PCDHGB3: variants seen among roughly 807,000 people sequenced by gnomAD.
PCDHGB3 encodes the protein protocadherin gamma subfamily B, 3, also known as protocadherin gamma-B3.
PCDHGB3 carries 40 observed loss-of-function variants against 59.2 expected under a neutral mutation model. That is an observed-to-expected ratio of 0.68 (90% CI 0.52 to 0.88). The LOEUF is 0.88. Ranked by LOEUF, PCDHGB3 falls within the 40% of genes least tolerant of loss-of-function variation. The pLI, the probability that PCDHGB3 is intolerant of heterozygous loss-of-function variation, is 0.00. For synonymous variants in PCDHGB3, 581 were observed against 503.6 expected, an observed-to-expected ratio of 1.15 and a Z score of -2.06; for missense variants, 1,309 against 1,187.9, an observed-to-expected ratio of 1.10 and a Z score of -1.50.
intron 1 of PCDHGB3, among the ~76,000 whole-genome samples, chr5:141,471,928 G>A (rs1328213264): frequency 6.6e-6 from 1 of 152,152 alleles, no homozygotes; most frequent in African/African-American, 2.4e-5. Context: ...TTTTGGGGGT[G>A]ATGAGAGTTT....
chr5:141,402,563 T>C (rs2094279860), intron 1 of PCDHGB3, among the ~76,000 whole-genome samples: 1 of 152,232 alleles, frequency 6.6e-6, no homozygotes, highest in African/African-American at 2.4e-5. Flanking sequence ...TTCCACTTTA[T>C]TTACAACTCA....
chr5:141,408,728 C>A lies in PCDHGB3; in HGVS notation c.2415+35919C>A, dbSNP rs371316574. 3.7e-6 allele frequency: 6 copies of A among 1,610,174 alleles called. No individual in the cohort carries two copies. In the African/African-American group the frequency reaches 8.0e-5, roughly 22 times the overall value. ...TAAAGATTATAAGATAAACTCTAATCCTTATTTTTCATTAATGGTTAGAGT... is the reference window on the plus strand; with the variant it reads ...TAAAGATTATAAGATAAACTCTAATACTTATTTTTCATTAATGGTTAGAGT... On this transcript the variant is annotated intron_variant, in intron 1 of 3. Transcript: ENST00000576222.
In PCDHGB3 at chr5:141,372,143, G is replaced by T; in HGVS notation, c.1749G>T (p.Glu583Asp). The change falls in exon 1 of 4, where the codon GAG (glutamate) becomes GAT (aspartate). Residue 583 changes from glutamate (E) to aspartate (D), a missense_variant. Glu to Asp is a conservative substitution (Grantham distance 45, BLOSUM62 2). Transcript: ENST00000576222. ...ALFDMVPRSA[E>D]PGYLVTKVVA... ...TCGATATGGTGCCGCGCTCTGCAGA[G>T]CCTGGCTACCTGGTGACCAAGGTGG... is the stretch of plus-strand genomic sequence containing the variant. 2 of 1,613,784 alleles carry T rather than the reference G, an allele frequency of 1.2e-6. No homozygotes were observed. The highest frequency in any genetic ancestry group is 1.7e-5 in the Admixed American group (1 of 60,036).
chr5:141,422,087 G>A, intron 1 of PCDHGB3: 6 of 1,611,966 alleles, frequency 3.7e-6, no homozygotes, highest in Non-Finnish European at 5.1e-6. Context: ...AACATGGAAA[G>A]CAAGGCTTCT....
intron 1 of PCDHGB3, among the ~76,000 whole-genome samples, chr5:141,449,607 A>G (rs1279835785): frequency 1.3e-5 from 2 of 149,984 alleles, no homozygotes; most frequent in African/African-American, 4.9e-5. Flanking sequence ...AAAAAAAAAA[A>G]GTAAAAAAGT....
intron 1 of PCDHGB3, among the ~76,000 whole-genome samples, chr5:141,452,909 T>C (rs1408054133): frequency 6.6e-6 from 1 of 152,232 alleles, no homozygotes; most frequent in Non-Finnish European, 1.5e-5. Flanking sequence ...GTTGGCATTA[T>C]ACAGTAAGAA....
chr5:141,387,740 C>T lies in PCDHGB3; in HGVS notation c.2415+14931C>T, dbSNP rs952205441. The T allele has an allele frequency of 3.8e-6, 5 of 1,328,736 alleles. No individual in the cohort carries two copies. In the African/African-American group the frequency reaches 5.9e-5, roughly 16 times the overall value. The allele number at this position is 1,328,736 out of a possible 1,614,324, so 82.3% of individuals were successfully genotyped here. ...GACTCCCCAGCGCCAGCCTTTACAC[C>T]GCTTCCTCCTCGGAAAAAGAAGAAT... On this transcript the variant is annotated intron_variant, in intron 1 of 3. Coordinates refer to ENST00000576222, the MANE Select transcript of PCDHGB3 (RefSeq NM_018924.5).
At chr5:141,469,104 C>G (rs1046234848) in intron 1 of PCDHGB3, among the ~76,000 whole-genome samples, 3 of 151,760 alleles carry the variant, frequency 2.0e-5, no homozygotes, top group Middle Eastern at 3.2e-3. Flanking sequence ...AAGCAAGAAC[C>G]TGTCTCTAAA....
At chr5:141,467,337 G>A (rs1018807977) in intron 1 of PCDHGB3, among the ~76,000 whole-genome samples, 1 of 152,162 alleles carries the variant, frequency 6.6e-6, no homozygotes, top group Admixed American at 6.6e-5. Flanking sequence ...AGAGACGTAA[G>A]CCACTGCCCC....
Position 141,490,369 on chromosome 5 carries a change from C to T in PCDHGB3, c.2416-4438C>T, listed in dbSNP as rs201347968. On this transcript the variant is annotated intron_variant, in intron 1 of 3. Transcript: ENST00000576222. This position sits in a 1 kb window ranked among gnomAD's most constrained non-coding sequence, Gnocchi z 5.4. ...AGTGGGGTTGTTTAATGTGCGAGAC[C>T]GGGACTCAGGTAGAAATGGTGAAGT... The T allele has an allele frequency of 4.0e-5, 64 of 1,614,090 alleles. No individual in the cohort carries two copies. In the Admixed American group the frequency reaches 6.0e-4, roughly 15 times the overall value.
chr5:141,491,955 A>T lies in PCDHGB3; in HGVS notation c.2416-2852A>T. Reference sequence around the variant, plus strand: ...GGGACCGACCCCCACCCCTACACTCAAAAAAGGCCGGGGCCTCCTTCGAGC... The same window carrying T: ...GGGACCGACCCCCACCCCTACACTCTAAAAAGGCCGGGGCCTCCTTCGAGC... On this transcript the variant is annotated intron_variant, in intron 1 of 3. Coordinates refer to ENST00000576222, the MANE Select transcript of PCDHGB3 (RefSeq NM_018924.5). This position sits in a 1 kb window ranked among gnomAD's most constrained non-coding sequence, Gnocchi z 6.9. 9.7e-7 allele frequency: 1 copy of T among 1,029,648 alleles called. No homozygotes were observed. The highest frequency in any genetic ancestry group is 2.2e-5 in the South Asian group (1 of 44,530). The allele number at this position is 1,029,648 out of a possible 1,614,324, so 63.8% of individuals were successfully genotyped here. A position where few individuals can be genotyped will look rare whatever the true frequency, so the allele number is the denominator to read the frequency against.
At chr5:141,392,249 T>C (rs1474806816) in intron 1 of PCDHGB3, 1 of 152,206 alleles carries the variant, frequency 6.6e-6, no homozygotes, top group Non-Finnish European at 1.5e-5. Context: ...TTTGTTAGTA[T>C]ATATTGGAGA....
rs191188858 is a variant in PCDHGB3, at chr5:141,472,077, A to G, written c.2416-22730A>G. On this transcript the variant is annotated intron_variant, in intron 1 of 3. Transcript: ENST00000576222. ...GATTGACATGTCTGTGGTTATATCA[A>G]TGAGTACTATTATTATTCCCATTTT... 2.4e-3 allele frequency among the ~76,000 whole-genome samples: 365 copies of G among 152,346 alleles called. 2 individuals carry two copies. Among genetic ancestry groups the G allele is most frequent in the African/African-American group, 8.4e-3 (351 of 41,580 alleles).
Position 141,491,722 on chromosome 5 carries a change from CG to C in PCDHGB3, c.2416-3082del. Reference sequence around the variant, plus strand: ...CCAGGTGAGGGGCTCGGCGCCGCCCCGGGCGACCCCTGGGGGCGGCACTGGA... The same window carrying C: ...CCAGGTGAGGGGCTCGGCGCCGCCCCGGCGACCCCTGGGGGCGGCACTGGA... On this transcript the variant is annotated intron_variant, in intron 1 of 3. Transcript: ENST00000576222. The surrounding 1 kb of genome is among the most constrained non-coding windows in gnomAD (Gnocchi z 6.9). The C allele has an allele frequency of 1.2e-6, 2 of 1,607,004 alleles. No homozygotes were observed. Among genetic ancestry groups the C allele is most frequent in the Non-Finnish European group, 1.7e-6 (2 of 1,177,148 alleles).
At chr5:141,474,847 GC>G (rs1357496937) in intron 1 of PCDHGB3, among the ~76,000 whole-genome samples, 1 of 152,198 alleles carries the variant, frequency 6.6e-6, no homozygotes, top group East Asian at 1.9e-4. Context: ...CACTTTACCT[GC>G]CTTCTTCATT....
At chr5:141,502,951 C>G (rs1444086718) in intron 2 of PCDHGB3, among the ~76,000 whole-genome samples, 1 of 147,768 alleles carries the variant, frequency 6.8e-6, no homozygotes, top group African/African-American at 2.6e-5. Context: ...TCAAGCGATT[C>G]TCCTGCCTCA....
At chr5:141,390,887 T>A (rs547559021) in intron 1 of PCDHGB3, 2,724 of 151,184 alleles carry the variant, frequency 0.018, 30 homozygotes, top group African/African-American at 0.021. Flanking sequence ...TGTGTGTGTG[T>A]GAGAGAGATC....
chr5:141,370,383 G>A lies in PCDHGB3; in HGVS notation c.-12G>A, dbSNP rs1393783313. ...TCCTCGGATTTAGAAAGGCAAAGGCGCAGAGAGCGGGATGGGAAATAGCTC... is the reference window on the plus strand; with the variant it reads ...TCCTCGGATTTAGAAAGGCAAAGGCACAGAGAGCGGGATGGGAAATAGCTC... On this transcript the variant is annotated 5_prime_UTR_variant, in exon 1 of 4. Coordinates refer to ENST00000576222, the MANE Select transcript of PCDHGB3 (RefSeq NM_018924.5). The A allele has an allele frequency of 6.5e-7, 1 of 1,533,714 alleles. No homozygotes were observed. The highest frequency in any genetic ancestry group is 8.7e-7 in the Non-Finnish European group (1 of 1,143,294).
intron 1 of PCDHGB3, chr5:141,409,594 C>G: frequency 1.2e-6 from 2 of 1,613,900 alleles, no homozygotes; most frequent in Non-Finnish European, 1.7e-6. Flanking sequence ...TGGCCGAGAA[C>G]AACCCGCCAG....
Sources: gnomAD v4.1 joint callset for allele counts (sites outside exome capture counted in the v4.1 genomes callset) on GRCh38, gnomAD v4.1.1 for gene constraint, Gnocchi (gnomAD v3.1) non-coding constraint, MANE v1.5 for transcripts, NCBI Gene and HGNC (gene_info 2026-07-23, HGNC 2026-07-21) for gene names.